NRG1: variants seen among roughly 807,000 people sequenced by gnomAD.
NRG1 encodes the protein neuregulin 1, also known as pro-neuregulin-1, membrane-bound isoform.
In NRG1, 18 loss-of-function variants were observed where a neutral mutation model predicts 63.8. That is an observed-to-expected ratio of 0.28 (90% CI 0.19 to 0.42). The LOEUF (loss-of-function observed/expected upper bound fraction) is 0.42. Among genes scored for constraint, NRG1 ranks in the 10% least tolerant of loss-of-function variants. The pLI is 1.00. For missense variants in NRG1, 762 were observed against 814.7 expected (o/e 0.94, Z 0.79); for synonymous variants, 302 against 301.3 (o/e 1.00, Z -0.02).
In NRG1 at chr8:32,352,145, C is replaced by A. The variant is rs192346918; in HGVS notation, c.38-243683C>A. ...ATCCGAAGTTTTCTCACTGGGCAAG[C>A]AATTTGCGGGATTACGACAGTGAAC... On this transcript the variant is annotated intron_variant, in intron 1 of 10. Transcript: ENST00000519301. 7.8e-4 allele frequency among the ~76,000 whole-genome samples: 114 copies of A among 145,900 alleles called. 2 individuals are homozygous for A. Among genetic ancestry groups the A allele is most frequent in the Non-Finnish European group, 4.5e-4 (30 of 66,442 alleles).
At chr8:31,977,489 T>C (rs74950945) in intron 1 of NRG1, among the ~76,000 whole-genome samples, 2,350 of 152,210 alleles carry the variant, frequency 0.015, 29 homozygotes, top group Middle Eastern at 0.054. Context: ...TACTAATTCA[T>C]TGGAATTATT....
At chr8:32,680,519 C>G (rs1264025430) in intron 5 of NRG1, among the ~76,000 whole-genome samples, 5 of 152,086 alleles carry the variant, frequency 3.3e-5, no homozygotes, top group Non-Finnish European at 1.5e-5. Context: ...TTTCTGTGAA[C>G]ATGGAGATTT....
chr8:31,764,205 A>T (rs756327796), intron 1 of NRG1, among the ~76,000 whole-genome samples: 4 of 152,138 alleles, frequency 2.6e-5, no homozygotes, highest in Non-Finnish European at 4.4e-5. Context: ...GTAGATTGAC[A>T]TGCAGTTGCA....
intron 1 of NRG1, among the ~76,000 whole-genome samples, chr8:32,267,905 C>T (rs1327413881): frequency 6.6e-6 from 1 of 152,128 alleles, no homozygotes; most frequent in South Asian, 2.1e-4. Flanking sequence ...AAAATGGTCC[C>T]CGTGATCCCT....
At chr8:32,685,700 T>G (rs1381095338) in intron 5 of NRG1, among the ~76,000 whole-genome samples, 1 of 152,210 alleles carries the variant, frequency 6.6e-6, no homozygotes, top group East Asian at 1.9e-4. Flanking sequence ...CTTCACACCA[T>G]CTAGCTGATG....
chr8:32,639,159 A>C (rs112587995), intron 5 of NRG1, among the ~76,000 whole-genome samples: 1 of 152,096 alleles, frequency 6.6e-6, no homozygotes, highest in Non-Finnish European at 1.5e-5. Flanking sequence ...TAATCCTAGC[A>C]CTTTGGGAGG....
At chr8:31,721,498 T>C (rs1025498685) in intron 1 of NRG1, among the ~76,000 whole-genome samples, 3 of 152,196 alleles carry the variant, frequency 2.0e-5, no homozygotes, top group African/African-American at 7.2e-5. Flanking sequence ...GTCTTATCCT[T>C]GGAAATGTTT....
chr8:31,838,115 A>G (rs922179827), intron 1 of NRG1, among the ~76,000 whole-genome samples: 2 of 152,016 alleles, frequency 1.3e-5, no homozygotes, highest in East Asian at 3.9e-4. Flanking sequence ...CCTTTCCTTT[A>G]CATCCTCGCC....
chr8:32,098,903 C>T (rs1830213873), intron 1 of NRG1: 1 of 152,222 alleles, frequency 6.6e-6, no homozygotes, highest in Non-Finnish European at 1.5e-5. Flanking sequence ...CATAGGACCT[C>T]TTTAACCCTC....
At chr8:32,655,708 T>C (rs980534868) in intron 5 of NRG1, among the ~76,000 whole-genome samples, 2 of 152,186 alleles carry the variant, frequency 1.3e-5, no homozygotes, top group African/African-American at 4.8e-5. Flanking sequence ...GATTATTACC[T>C]TTGAGTTACA....
chr8:32,750,043 C>T (rs1828376241), intron 7 of NRG1: 1 of 170,010 alleles, frequency 5.9e-6, no homozygotes, highest in Non-Finnish European at 1.3e-5. Context: ...TAAAAATCAT[C>T]TATTTAATAT....
At chr8:32,115,617 G>A (rs115478617) in intron 1 of NRG1, among the ~76,000 whole-genome samples, 27 of 152,190 alleles carry the variant, frequency 1.8e-4, no homozygotes, top group African/African-American at 6.3e-4. Context: ...AAGGAAATCC[G>A]CATGTAAGTG....
At chr8:32,759,156 G>T in intron 9 of NRG1, 150 bp from the exon 10 acceptor site, 2 of 885,048 alleles carry the variant, frequency 2.3e-6, no homozygotes, top group Non-Finnish European at 1.6e-6. Flanking sequence ...CCTGGCCATT[G>T]GGGAAATGGA....
At chr8:31,842,518 A>C (rs924030009) in intron 1 of NRG1, among the ~76,000 whole-genome samples, 1 of 152,186 alleles carries the variant, frequency 6.6e-6, no homozygotes, top group African/African-American at 2.4e-5. Flanking sequence ...TAAACTCCAT[A>C]TATGCCAACA....
In NRG1 at chr8:32,490,291, C is replaced by T. The variant is rs1002748440; in HGVS notation, c.38-105537C>T. Among the ~76,000 whole-genome samples the T allele has an allele frequency of 1.9e-4, 29 of 149,864 alleles. 1 individual carries two copies. Among genetic ancestry groups the T allele is most frequent in the South Asian group, 1.7e-3 (8 of 4,742 alleles). The stretch of plus-strand genomic sequence containing the variant: ...CTGCACTCCAGTCTGAGTGACAGAA[C>T]GAGACTCTGTCTCAAAAAAAAAAAA... On this transcript the variant is annotated intron_variant, in intron 1 of 10. Transcript: ENST00000519301.
rs575709556 is a variant in NRG1, at chr8:32,695,434, T to G, written c.503-32515T>G. On this transcript the variant is annotated intron_variant, in intron 5 of 11. Coordinates refer to ENST00000356819, the Ensembl canonical transcript of NRG1. ...AAAGAAAAGAAAAAAAGAAAAAGAC[T>G]GAACAAAACTTGAGAAAAGCAATGT... 7.2e-5 allele frequency among the ~76,000 whole-genome samples: 11 copies of G among 152,102 alleles called. No homozygotes were observed. The South Asian group carries it at 2.1e-3, about 29-fold the overall frequency.
At chr8:31,849,611 A>C (rs1827022520) in intron 1 of NRG1, among the ~76,000 whole-genome samples, 1 of 152,172 alleles carries the variant, frequency 6.6e-6, no homozygotes, top group African/African-American at 2.4e-5. Flanking sequence ...TTTCACCCTT[A>C]AAGGGACAAA....
chr8:32,043,133 A>G (rs868219730), intron 1 of NRG1, among the ~76,000 whole-genome samples: 1 of 152,112 alleles, frequency 6.6e-6, no homozygotes, highest in Non-Finnish European at 1.5e-5. Context: ...TCCATGCCCA[A>G]AGACATCATA....
intron 1 of NRG1, among the ~76,000 whole-genome samples, chr8:32,041,065 C>A (rs1476344379): frequency 6.6e-6 from 1 of 151,794 alleles, no homozygotes; most frequent in Non-Finnish European, 1.5e-5. Flanking sequence ...AAATTAATTT[C>A]CGAATGTTAA....
Sources: allele counts gnomAD v4.1 joint callset (sites outside exome capture counted in the v4.1 genomes callset), GRCh38; gene constraint gnomAD v4.1.1; transcripts MANE v1.5; gene names NCBI Gene and HGNC (gene_info 2026-07-23, HGNC 2026-07-21).